Variants in ZIC1 observed in about 807,000 individuals in gnomAD.
ZIC1 encodes Zic family zinc finger 1, also known as zinc finger protein ZIC 1.
A neutral mutation model predicts 30.9 loss-of-function variants in ZIC1; 4 were observed. The ratio of observed to expected loss-of-function variants is 0.13; its 90% CI spans 0.06 to 0.30. The LOEUF is 0.30. ZIC1 is among the 10% of genes least tolerant of loss of function. ZIC1 has a pLI of 1.00. For synonymous variants in ZIC1, 305 were observed against 277.5 expected (o/e 1.10, Z -0.98); for missense variants, 441 against 639.3 (o/e 0.69, Z 3.34).
rs986392990 is a variant in ZIC1 at position 147,414,480 on chromosome 3, G to A, written c.*929G>A. On this transcript the variant is annotated 3_prime_UTR_variant, in exon 3 of 3. Coordinates refer to ENST00000282928, the MANE Select transcript of ZIC1 (RefSeq NM_003412.4). The stretch of plus-strand genomic sequence containing the variant: ...CATGTTACAGCTCTTCAATATTTAT[G>A]GCTAGAAGAACTCGTATGTACACTT... 3.3e-5 allele frequency: 5 copies of A among 152,574 alleles called. No individual in the cohort carries two copies. The highest frequency in any genetic ancestry group is 5.9e-5 in the Non-Finnish European group (4 of 68,030). 9.5% of individuals were successfully genotyped at this position (152,574 alleles called of 1,614,324 possible).
rs1576471895 is a variant in ZIC1, at chr3:147,416,340, G to A, written c.*2789G>A. ...TAAACATGATAATAGTGGTACTTTTGTAATTTTGCTGGTGCATTTAAGAAG... is the reference window on the plus strand; with the variant it reads ...TAAACATGATAATAGTGGTACTTTTATAATTTTGCTGGTGCATTTAAGAAG... On this transcript the variant is annotated 3_prime_UTR_variant, in exon 3 of 3. Coordinates refer to ENST00000282928, the MANE Select transcript of ZIC1 (RefSeq NM_003412.4). 1 of 152,304 alleles carries A rather than the reference G, an allele frequency of 6.6e-6. No individual in the cohort carries two copies. Among genetic ancestry groups the A allele is most frequent in the East Asian group, 1.9e-4 (1 of 5,186 alleles). The allele number at this position is 152,304 out of a possible 1,614,324, so 9.4% of individuals were successfully genotyped here.
rs1485702274 is a variant in ZIC1 at position 147,416,313 on chromosome 3, G to T, written c.*2762G>T. ...GATAACCTGATATGAGTGTGATAAT[G>T]ATAAACATGATAATAGTGGTACTTT... On this transcript the variant is annotated 3_prime_UTR_variant, in exon 3 of 3. Transcript: ENST00000282928. 1.3e-5 allele frequency: 2 copies of T among 152,218 alleles called. No homozygotes were observed. Among genetic ancestry groups the T allele is most frequent in the Non-Finnish European group, 2.9e-5 (2 of 68,036 alleles). 9.4% of individuals were successfully genotyped at this position (152,218 alleles called of 1,614,324 possible).
At position 147,410,295 on chromosome 3, in the gene ZIC1, G is replaced by C; in HGVS notation, c.183G>C (p.Gln61His). 1 of 1,600,148 alleles carries C rather than the reference G, an allele frequency of 6.2e-7. No individual in the cohort carries two copies. The highest frequency in any genetic ancestry group is 1.1e-5 in the South Asian group (1 of 90,992). Reference sequence around the variant, plus strand: ...CGCACGAGCTGGCTTCGGCCGGCCAGACGGCCTTCACGTCGCAGGCGCCAG... The same window carrying C: ...CGCACGAGCTGGCTTCGGCCGGCCACACGGCCTTCACGTCGCAGGCGCCAG... ...PSSHELASAG[Q>H]TAFTSQAPGY... Residue 61 changes from glutamine (Q) to histidine (H), a missense_variant, in exon 1 of 3, where the codon CAG (glutamine) becomes CAC (histidine). Physicochemically the swap from Gln to His is conservative, Grantham distance 24 (BLOSUM62 0). Coordinates refer to ENST00000282928, the MANE Select transcript of ZIC1 (RefSeq NM_003412.4).
rs1401872231 is a variant in ZIC1 at position 147,415,806 on chromosome 3, A to C, written c.*2255A>C. On this transcript the variant is annotated 3_prime_UTR_variant, in exon 3 of 3. Transcript: ENST00000282928. The stretch of plus-strand genomic sequence containing the variant: ...TTATACCATTGGCCAATTACAAGAT[A>C]AAAATGTTCAATTTCTTTAAGAATC... The C allele has an allele frequency of 6.6e-6, 1 of 152,236 alleles. No homozygotes were observed. Among genetic ancestry groups the C allele is most frequent in the Non-Finnish European group, 1.5e-5 (1 of 68,034 alleles). 9.4% of individuals were successfully genotyped at this position (152,236 alleles called of 1,614,324 possible).
In ZIC1 at chr3:147,411,113, G is replaced by C; in HGVS notation, c.982+19G>C. The C allele has an allele frequency of 6.2e-7, 1 of 1,601,640 alleles. No individual in the cohort carries two copies. The highest frequency in any genetic ancestry group is 8.5e-7 in the Non-Finnish European group (1 of 1,173,844). ...CACACAGGTACGGAAACAGCTGTAG[G>C]ACCCCTACCCATTCCCACTTGGGCC... On this transcript the variant is annotated intron_variant, in intron 1 of 2. Coordinates refer to ENST00000282928, the MANE Select transcript of ZIC1 (RefSeq NM_003412.4).
chr3:147,412,801 G>T, intron 2 of ZIC1, 120 bp downstream of exon 2: 11 of 1,305,610 alleles, frequency 8.4e-6, no homozygotes, highest in Non-Finnish European at 1.2e-5. Context: ...GGAAGGCAAA[G>T]GTTCCACTCA....
chr3:147,410,743 G>C lies in ZIC1; in HGVS notation c.631G>C (p.Gly211Arg), dbSNP rs1469847641. 1 of 1,613,988 alleles carries C rather than the reference G, an allele frequency of 6.2e-7. No homozygotes were observed. Among genetic ancestry groups the C allele is most frequent in the Non-Finnish European group, 8.5e-7 (1 of 1,179,994 alleles). ...GAACATGGCCGCGCATCACGGCGCC[G>C]GCGCCTTCTTCCGCTACATGCGCCA... ...NVNMAAHHGA[G>R]AFFRYMRQPI... Residue 211 changes from glycine to arginine, a missense_variant, in exon 1 of 3, where the codon GGC becomes CGC. Coordinates refer to ENST00000282928, the MANE Select transcript of ZIC1 (RefSeq NM_003412.4).
chr3:147,410,800 A>G lies in ZIC1; in HGVS notation c.688A>G (p.Ile230Val). ...PIKQELICKW[I>V]EPEQLANPKK... ...CAAGCAAGAGCTCATCTGCAAGTGG[A>G]TCGAGCCCGAGCAGCTGGCCAACCC... Residue 230 changes from isoleucine to valine, a missense_variant, in exon 1 of 3, where the codon ATC becomes GTC. Ile to Val is a conservative substitution (Grantham distance 29). This residue lies in a region of ZIC1 where 307 missense variants were observed against 355.3 expected (regional missense o/e 0.86). Transcript: ENST00000282928. 1 of 1,614,220 alleles carries G rather than the reference A, an allele frequency of 6.2e-7. No homozygotes were observed. Among genetic ancestry groups the G allele is most frequent in the Non-Finnish European group, 8.5e-7 (1 of 1,180,030 alleles).
At chr3:147,411,486 C>T (rs116188343) in intron 1 of ZIC1, among the ~76,000 whole-genome samples, 1,550 of 152,302 alleles carry the variant, frequency 0.01, 20 homozygotes, top group African/African-American at 0.035. Flanking sequence ...GCCAACATCT[C>T]TCTCCGTGCA....
At chr3:147,413,291 C>A in intron 2 of ZIC1, 63 bp from the exon 3 acceptor site, 3 of 1,556,478 alleles carry the variant, frequency 1.9e-6, no homozygotes, top group South Asian at 2.4e-5. Flanking sequence ...GCGGCCTTCG[C>A]CTCTCTAGTC....
At position 147,409,740 on chromosome 3, in the gene ZIC1, GT is replaced by G. The variant is rs1201138217; in HGVS notation, c.-364del. ...CTCTATGCTACAAATCCAGGAGGAAGTTTTTTTTTAGGGGGCTGAGATGCTC... is the reference window on the plus strand; with the variant it reads ...CTCTATGCTACAAATCCAGGAGGAAGTTTTTTTTAGGGGGCTGAGATGCTC... On this transcript the variant is annotated 5_prime_UTR_variant, in exon 1 of 3. It removes the in-frame stop codon of an upstream open reading frame in the 5' UTR. Transcript: ENST00000282928. 3.0e-4 allele frequency: 71 copies of G among 238,248 alleles called. No homozygotes were observed. Among genetic ancestry groups the G allele is most frequent in the Non-Finnish European group, 4.4e-4 (55 of 124,410 alleles). 14.8% of individuals were successfully genotyped at this position (238,248 alleles called of 1,614,324 possible). A position where few individuals can be genotyped will look rare whatever the true frequency, so the allele number is the denominator to read the frequency against.
intron 1 of ZIC1, 84 bp downstream of exon 1, chr3:147,411,178 C>G: frequency 6.6e-7 from 1 of 1,522,898 alleles, no homozygotes; most frequent in South Asian, 1.3e-5. Context: ...GTCGCACAAA[C>G]GCAGCCTCGG....
In ZIC1 at chr3:147,413,640, A is replaced by G; in HGVS notation, c.*89A>G. On this transcript the variant is annotated 3_prime_UTR_variant, in exon 3 of 3. Transcript: ENST00000282928. Reference sequence around the variant, plus strand: ...ATTACTGAAAGAACCCTGCGAATCAAAACAACCCCCACACAGACCCCGCAA... The same window carrying G: ...ATTACTGAAAGAACCCTGCGAATCAGAACAACCCCCACACAGACCCCGCAA... 6.8e-7 allele frequency: 1 copy of G among 1,474,506 alleles called. No individual in the cohort carries two copies. Among genetic ancestry groups the G allele is most frequent in the Non-Finnish European group, 9.2e-7 (1 of 1,088,442 alleles). 91.3% of individuals were successfully genotyped at this position (1,474,506 alleles called of 1,614,324 possible). A position where few individuals can be genotyped will look rare whatever the true frequency, so the allele number is the denominator to read the frequency against.
At position 147,411,018 on chromosome 3, in the gene ZIC1, T is replaced by C; in HGVS notation, c.906T>C (p.Phe302=). The change falls in exon 1 of 3, where the codon TTT becomes TTC. Residue 302 remains phenylalanine, a synonymous_variant. Transcript: ENST00000282928. ...HIRVHTGEKP[F]PCPFPGCGKV... is the part of the protein sequence containing the mutation. ...GCGTGCACACGGGCGAGAAGCCCTT[T>C]CCCTGCCCCTTCCCTGGCTGTGGCA... is the stretch of plus-strand genomic sequence containing the variant. 3.7e-6 allele frequency: 6 copies of C among 1,614,186 alleles called. No individual in the cohort carries two copies. Among genetic ancestry groups the C allele is most frequent in the Non-Finnish European group, 5.1e-6 (6 of 1,180,040 alleles).
intron 2 of ZIC1, 126 bp from the exon 3 acceptor site, chr3:147,413,228 C>G: frequency 1.0e-6 from 1 of 972,686 alleles, no homozygotes. Flanking sequence ...TCCCGCTGAT[C>G]GGGCCTCACC....
At position 147,414,473 on chromosome 3, in the gene ZIC1, TA is replaced by T. The variant is rs968195731; in HGVS notation, c.*923del. The stretch of plus-strand genomic sequence containing the variant: ...GTTTATCCATGTTACAGCTCTTCAA[TA>T]TTTATGGCTAGAAGAACTCGTATGT... On this transcript the variant is annotated 3_prime_UTR_variant, in exon 3 of 3. Coordinates refer to ENST00000282928, the MANE Select transcript of ZIC1 (RefSeq NM_003412.4). The T allele has an allele frequency of 2.0e-5, 3 of 152,672 alleles. No homozygotes were observed. The highest frequency in any genetic ancestry group is 7.2e-5 in the African/African-American group (3 of 41,450). The allele number at this position is 152,672 out of a possible 1,614,324, so 9.5% of individuals were successfully genotyped here.
At chr3:147,412,702 G>T (rs934496641) in intron 2 of ZIC1, 21 bp downstream of exon 2, 1 of 1,599,656 alleles carries the variant, frequency 6.3e-7, no homozygotes, top group Admixed American at 1.7e-5. Context: ...CACTCTCGTC[G>T]CCCCCTTTGA....
Position 147,409,846 on chromosome 3 carries a change from A to C in ZIC1, c.-267A>C, listed in dbSNP as rs1428853483. Reference sequence around the variant, plus strand: ...GCGAGAAAGTGCGAGCCGGGCCGGCAGAATCTGCCTGGCGGGCGCTGGAGC... The same window carrying C: ...GCGAGAAAGTGCGAGCCGGGCCGGCCGAATCTGCCTGGCGGGCGCTGGAGC... On this transcript the variant is annotated 5_prime_UTR_variant, in exon 1 of 3. Coordinates refer to ENST00000282928, the MANE Select transcript of ZIC1 (RefSeq NM_003412.4). The C allele has an allele frequency of 1.3e-5, 6 of 470,668 alleles. No homozygotes were observed. The Middle Eastern group carries it at 1.6e-3, about 125-fold the overall frequency. The allele number at this position is 470,668 out of a possible 1,614,324, so 29.2% of individuals were successfully genotyped here.
chr3:147,409,945 A>C lies in ZIC1; in HGVS notation c.-168A>C. The C allele has an allele frequency of 1.4e-6, 1 of 709,912 alleles. No homozygotes were observed. 44.0% of individuals were successfully genotyped at this position (709,912 alleles called of 1,614,324 possible). A position where few individuals can be genotyped will look rare whatever the true frequency, so the allele number is the denominator to read the frequency against. On this transcript the variant is annotated 5_prime_UTR_variant, in exon 1 of 3. Coordinates refer to ENST00000282928, the MANE Select transcript of ZIC1 (RefSeq NM_003412.4). ...GGCCAGCGCCCGGGCGCGCCGCGCCATTGCCTGCAGGCTAGGACTTCGCGA... is the reference window on the plus strand; with the variant it reads ...GGCCAGCGCCCGGGCGCGCCGCGCCCTTGCCTGCAGGCTAGGACTTCGCGA...
Sources: gnomAD v4.1 joint callset for allele counts (sites outside exome capture counted in the v4.1 genomes callset) on GRCh38, gnomAD v4.1.1 for gene constraint, gnomAD v4.1.1 regional missense constraint, MANE v1.5 for transcripts, NCBI Gene and HGNC (gene_info 2026-07-23, HGNC 2026-07-21) for gene names.